The following ASCC1 variants were observed in gnomAD, a reference collection of about 807,000 sequenced individuals.
The protein encoded by ASCC1 is activating signal cointegrator 1 complex subunit 1, also known as ASC-1 complex subunit P50.
A neutral mutation model predicts 46.6 loss-of-function variants in ASCC1; 35 were observed. That is an observed-to-expected ratio of 0.75 (90% CI 0.57 to 0.99). The LOEUF is 0.99. Ranked by LOEUF, ASCC1 falls within the 50% of genes least tolerant of loss-of-function variation. The pLI is 0.00. For synonymous variants in ASCC1, 143 were observed against 146.6 expected (o/e 0.98, Z 0.18); for missense variants, 376 against 428.7 (o/e 0.88, Z 1.09).
intron 4 of ASCC1, among the ~76,000 whole-genome samples, chr10:72,200,319 C>A (rs767413407): frequency 1.3e-5 from 2 of 152,034 alleles, no homozygotes; most frequent in Non-Finnish European, 2.9e-5. Context: ...TTTCTGCAAG[C>A]TTTCTCTTTT....
chr10:72,161,496 C>A (rs1849689403), intron 6 of ASCC1, 42 bp downstream of exon 6: 1 of 1,613,674 alleles, frequency 6.2e-7, no homozygotes. Context: ...AAGAAGCCAG[C>A]CCAGGTAGAC....
intron 7 of ASCC1, among the ~76,000 whole-genome samples, chr10:72,140,141 A>T (rs1439086218): frequency 6.6e-6 from 1 of 152,216 alleles, no homozygotes; most frequent in Non-Finnish European, 1.5e-5. Flanking sequence ...ATGCATTACA[A>T]AAGGCAGCCA....
At chr10:72,195,139 G>GT (rs142672810) in intron 5 of ASCC1, among the ~76,000 whole-genome samples, 24,652 of 61,250 alleles carry the variant, frequency 0.4, 6,862 homozygotes, top group Non-Finnish European at 0.5. Flanking sequence ...TTTTTGCTGT[G>GT]TTTTTTTTTT....
rs1377347211 is a variant in ASCC1 at position 72,196,747 on chromosome 10, A to G, written c.489+64T>C. The stretch of plus-strand genomic sequence containing the variant: ...TAACTCCCTACTGTTTGATTTATGA[A>G]CCATTTTTGTATTCTTTTTATATTT... On this transcript the variant is annotated intron_variant, in intron 5 of 9. Coordinates refer to ENST00000672957, the MANE Select transcript of ASCC1 (RefSeq NM_001198800.3). The G allele has an allele frequency of 6.0e-6, 9 of 1,492,140 alleles. No individual in the cohort carries two copies. In the East Asian group the frequency reaches 2.2e-4, roughly 37 times the overall value. The allele number at this position is 1,492,140 out of a possible 1,614,324, so 92.4% of individuals were successfully genotyped here.
chr10:72,173,525 G>A (rs949970832), intron 5 of ASCC1, among the ~76,000 whole-genome samples: 1 of 152,132 alleles, frequency 6.6e-6, no homozygotes, highest in Admixed American at 6.6e-5. Flanking sequence ...TGAGTCATAA[G>A]GGTTCAAATA....
chr10:72,112,022 T>C (rs1386120307), intron 9 of ASCC1, among the ~76,000 whole-genome samples: 1 of 152,206 alleles, frequency 6.6e-6, no homozygotes, highest in African/African-American at 2.4e-5. Context: ...TTTCCACCAG[T>C]GTCCTCTAAC....
chr10:72,190,680 A>C (rs570849147), intron 5 of ASCC1: 76 of 658,406 alleles, frequency 1.2e-4, no homozygotes, highest in Non-Finnish European at 1.8e-4. Flanking sequence ...AAATTATTTA[A>C]TGAATGCTTT....
At chr10:72,115,047 G>C (rs558464780) in intron 9 of ASCC1, among the ~76,000 whole-genome samples, 1 of 152,200 alleles carries the variant, frequency 6.6e-6, no homozygotes, top group East Asian at 1.9e-4. Context: ...AACTATTCTT[G>C]GTTAGAGGGC....
rs187013036 is a variant in ASCC1, at chr10:72,143,130, G to A, written c.746+9739C>T. ...GAGCAGAGATGGTGCCACTGCACTC[G>A]AGCCTGGGTGACAGAGCGAGACTCC... On this transcript the variant is annotated intron_variant, in intron 7 of 9. Coordinates refer to ENST00000672957, the MANE Select transcript of ASCC1 (RefSeq NM_001198800.3). Among the ~76,000 whole-genome samples, 11 of 146,254 alleles carry A rather than the reference G, an allele frequency of 7.5e-5. No individual in the cohort carries two copies. The East Asian group carries it at 1.6e-3, about 21-fold the overall frequency.
rs1429602898 is a variant in ASCC1, at chr10:72,196,941, A to C, written c.359T>G (p.Ile120Ser). 3.1e-6 allele frequency: 5 copies of C among 1,613,532 alleles called. No homozygotes were observed. The African/African-American group carries it at 6.7e-5, about 22-fold the overall frequency. Residue 120 changes from isoleucine to serine, a missense_variant, in exon 5 of 10, where the codon ATT becomes AGT. Coordinates refer to ENST00000672957, the MANE Select transcript of ASCC1 (RefSeq NM_001198800.3). Reference sequence around the variant, plus strand: ...TCGAAAAGTGTCCAAAAGAACATCAATCCGTGTTCGGGCTGAAATTACACC... The same window carrying C: ...TCGAAAAGTGTCCAAAAGAACATCACTCCGTGTTCGGGCTGAAATTACACC... ...RNGVISARTR[I>S]DVLLDTFRRK... is the part of the protein sequence containing the mutation.
intron 7 of ASCC1, among the ~76,000 whole-genome samples, chr10:72,136,595 A>G (rs1443728120): frequency 3.3e-5 from 5 of 152,168 alleles, no homozygotes; most frequent in Admixed American, 1.3e-4. Context: ...GGGGCCAAAT[A>G]AGGGATAAAA....
chr10:72,168,633 G>A (rs566387689), intron 5 of ASCC1, among the ~76,000 whole-genome samples: 2 of 152,338 alleles, frequency 1.3e-5, no homozygotes, highest in East Asian at 3.8e-4. Context: ...CAATGTAAAT[G>A]TATTTGGAGA....
intron 5 of ASCC1, among the ~76,000 whole-genome samples, chr10:72,193,870 T>C (rs1257577657): frequency 6.6e-6 from 1 of 151,234 alleles, no homozygotes; most frequent in Admixed American, 6.6e-5. Context: ...GAGACATCAC[T>C]GTCGCCCAGG....
chr10:72,162,528 G>A (rs559499359), intron 5 of ASCC1, among the ~76,000 whole-genome samples: 1 of 152,050 alleles, frequency 6.6e-6, no homozygotes, highest in South Asian at 2.1e-4. Flanking sequence ...GGACTGCAGT[G>A]GTGCAGTCAC....
At chr10:72,123,996 A>G (rs988563412) in intron 9 of ASCC1, among the ~76,000 whole-genome samples, 5 of 152,246 alleles carry the variant, frequency 3.3e-5, no homozygotes, top group African/African-American at 9.6e-5. Flanking sequence ...AATGTCTCTA[A>G]GTAAAGCAAA....
intron 6 of ASCC1, among the ~76,000 whole-genome samples, chr10:72,153,968 G>A (rs1008685632): frequency 7.9e-5 from 12 of 152,054 alleles, no homozygotes; most frequent in Non-Finnish European, 1.2e-4. Flanking sequence ...TGATCCTCCC[G>A]CCTTGGCCTC....
At chr10:72,154,937 C>T (rs1848772708) in intron 6 of ASCC1, among the ~76,000 whole-genome samples, 1 of 151,984 alleles carries the variant, frequency 6.6e-6, no homozygotes, top group Admixed American at 6.6e-5. Context: ...ACTAAGGAAG[C>T]TTTTAGGTAC....
At chr10:72,164,367 T>C (rs1850079832) in intron 5 of ASCC1, among the ~76,000 whole-genome samples, 1 of 152,194 alleles carries the variant, frequency 6.6e-6, no homozygotes, top group South Asian at 2.1e-4. Flanking sequence ...TCTGGATATA[T>C]TATATAGAAA....
intron 9 of ASCC1, chr10:72,102,245 G>T: frequency 8.5e-7 from 1 of 1,170,916 alleles, no homozygotes; most frequent in Non-Finnish European, 1.2e-6. Flanking sequence ...GGCTGCCATT[G>T]ACAGTAACAG....
Sources: allele counts gnomAD v4.1 joint callset (sites outside exome capture counted in the v4.1 genomes callset), GRCh38; gene constraint gnomAD v4.1.1; transcripts MANE v1.5; gene names NCBI Gene and HGNC (gene_info 2026-07-23, HGNC 2026-07-21).